CLNK: variants seen among roughly 807,000 people sequenced by gnomAD.
CLNK encodes cytokine dependent hematopoietic cell linker.
A neutral mutation model predicts 68.6 loss-of-function variants in CLNK; 74 were observed. That is an observed-to-expected ratio of 1.08 (90% CI 0.89 to 1.31). The LOEUF (loss-of-function observed/expected upper bound fraction) is 1.31. Among genes scored for constraint, CLNK ranks in the 50% most tolerant of loss-of-function variants. The pLI, the probability that CLNK is intolerant of heterozygous loss-of-function variation, is 0.00. For synonymous variants in CLNK, 198 were observed against 172.2 expected, an observed-to-expected ratio of 1.15 and a Z score of -1.17; for missense variants, 553 against 515.3, an observed-to-expected ratio of 1.07 and a Z score of -0.71.
chr4:10,593,607 T>C (rs1721271148), intron 3 of CLNK, among the ~76,000 whole-genome samples: 1 of 152,092 alleles, frequency 6.6e-6, no homozygotes, highest in African/African-American at 2.4e-5. Flanking sequence ...TGAGCTGAGA[T>C]AGCACCACTG....
chr4:10,555,204 A>AT (rs145562361), intron 8 of CLNK, among the ~76,000 whole-genome samples: 63 of 150,246 alleles, frequency 4.2e-4, no homozygotes, highest in South Asian at 2.1e-3. Context: ...CCTAGGCATA[A>AT]TTTTTTTTTT....
chr4:10,720,242 A>G, the CLNK span, among the ~76,000 whole-genome samples: 1 of 152,212 alleles, frequency 6.6e-6, no homozygotes, highest in Non-Finnish European at 1.5e-5. Context: ...ACAGAAAAAA[A>G]ATCAATGAAA....
At chr4:10,675,536 A>G (rs1463902930) in intron 1 of CLNK, among the ~76,000 whole-genome samples, 2 of 152,256 alleles carry the variant, frequency 1.3e-5, no homozygotes, top group African/African-American at 2.4e-5. Context: ...GAGCTTGCAA[A>G]GAGACATTTA....
chr4:10,576,429 T>C (rs1170584805), intron 4 of CLNK, among the ~76,000 whole-genome samples: 2 of 152,234 alleles, frequency 1.3e-5, no homozygotes, highest in African/African-American at 4.8e-5. Context: ...AACTGACTTC[T>C]GTGTTTCCCT....
At chr4:10,545,416 G>C (rs536590795) in intron 8 of CLNK, among the ~76,000 whole-genome samples, 4 of 152,068 alleles carry the variant, frequency 2.6e-5, no homozygotes. Flanking sequence ...TTGATTCCAC[G>C]TCTGGCATTC....
intron 15 of CLNK, among the ~76,000 whole-genome samples, chr4:10,513,799 C>T (rs1717710490): frequency 6.6e-6 from 1 of 150,888 alleles, no homozygotes; most frequent in Non-Finnish European, 1.5e-5. Flanking sequence ...CCTCTCTTTC[C>T]TTAGGGCTCC....
intron 18 of CLNK, among the ~76,000 whole-genome samples, chr4:10,497,315 C>T (rs1247230104): frequency 6.6e-6 from 1 of 152,052 alleles, no homozygotes; most frequent in Non-Finnish European, 1.5e-5. Context: ...TTTCTCATTG[C>T]TTGCTTTATG....
the CLNK span, among the ~76,000 whole-genome samples, chr4:10,700,347 G>T: frequency 5.9e-5 from 9 of 152,152 alleles, no homozygotes; most frequent in South Asian, 1.9e-3. Flanking sequence ...GGAGGAACGT[G>T]AACCTTGGAA....
At chr4:10,537,250 G>A (rs1426924155) in intron 11 of CLNK, among the ~76,000 whole-genome samples, 2 of 152,210 alleles carry the variant, frequency 1.3e-5, no homozygotes, top group Non-Finnish European at 2.9e-5. Context: ...GGCCAAGGCG[G>A]GTGGATCACC....
intron 2 of CLNK, among the ~76,000 whole-genome samples, chr4:10,613,953 G>C (rs771573114): frequency 5.3e-5 from 8 of 152,236 alleles, no homozygotes; most frequent in Non-Finnish European, 1.0e-4. Flanking sequence ...GAAGCAGGGA[G>C]CCAGGTGCTG....
chr4:10,629,948 A>G (rs999244119), intron 2 of CLNK, among the ~76,000 whole-genome samples: 6 of 152,138 alleles, frequency 3.9e-5, no homozygotes, highest in Non-Finnish European at 7.4e-5. Flanking sequence ...CTCTCTCCTC[A>G]GTCCTCACCC....
chr4:10,537,637 C>CCCTTTCTTTCTT (rs1553848137), intron 11 of CLNK, among the ~76,000 whole-genome samples: 1,865 of 76,176 alleles, frequency 0.024, 188 homozygotes, highest in East Asian at 0.04. Flanking sequence ...TTCTTTCTTT[C>CCCTTTCTTTCTT]TCTTTCTTTC....
chr4:10,690,296 A>G, the CLNK span, among the ~76,000 whole-genome samples: 1 of 152,156 alleles, frequency 6.6e-6, no homozygotes, highest in African/African-American at 2.4e-5. Context: ...AACATGGGTA[A>G]ATCCAGGGCT....
chr4:10,701,104 A>G, the CLNK span, among the ~76,000 whole-genome samples: 1 of 152,202 alleles, frequency 6.6e-6, no homozygotes, highest in Non-Finnish European at 1.5e-5. Flanking sequence ...AAAGATGTCC[A>G]TGGAGCTATC....
the CLNK span, among the ~76,000 whole-genome samples, chr4:10,717,020 GAA>G: frequency 6.9e-6 from 1 of 145,778 alleles, no homozygotes. Flanking sequence ...AAACGCCACA[GAA>G]AAAAAAAAAA....
chr4:10,558,570 T>C, intron 7 of CLNK, 118 bp from the exon 8 acceptor site: 1 of 860,306 alleles, frequency 1.2e-6, no homozygotes, highest in Non-Finnish European at 1.9e-6. Flanking sequence ...CTGGGCTCTC[T>C]GGTTTTCAAT....
intron 1 of CLNK, among the ~76,000 whole-genome samples, chr4:10,682,225 T>C (rs759909726): frequency 1.3e-5 from 2 of 152,146 alleles, no homozygotes; most frequent in Non-Finnish European, 2.9e-5. Context: ...ATGTTTGGTT[T>C]AATCTGTTAA....
intron 2 of CLNK, among the ~76,000 whole-genome samples, chr4:10,645,265 T>A (rs897802824): frequency 4.6e-5 from 7 of 152,172 alleles, no homozygotes; most frequent in Non-Finnish European, 1.0e-4. Context: ...AAGACATAAA[T>A]GAATAATGAT....
chr4:10,603,753 G>A (rs1721682816), intron 2 of CLNK, among the ~76,000 whole-genome samples: 1 of 152,198 alleles, frequency 6.6e-6, no homozygotes, highest in Non-Finnish European at 1.5e-5. Flanking sequence ...GGGTGGCCCA[G>A]TCAGTGGGTG....
Sources: allele counts gnomAD v4.1 joint callset (sites outside exome capture counted in the v4.1 genomes callset), GRCh38; gene constraint gnomAD v4.1.1; transcripts MANE v1.5; gene names NCBI Gene and HGNC (gene_info 2026-07-23, HGNC 2026-07-21).